The following SLC39A11 variants were observed in gnomAD, a reference collection of about 807,000 sequenced individuals.
SLC39A11 encodes zinc transporter ZIP11.
Under a neutral mutation model 36.1 loss-of-function variants are expected in SLC39A11, and 33 were observed. The observed-to-expected ratio is 0.91, with a 90% CI of 0.69 to 1.22. The LOEUF (loss-of-function observed/expected upper bound fraction) is 1.22. Ranked by LOEUF, SLC39A11 falls within the 50% of genes most tolerant of loss-of-function variation. The probability of loss-of-function intolerance (pLI) is 0.00; values close to 1 mark genes in which losing one functional copy is unlikely to be tolerated. For missense variants in SLC39A11, 432 were observed against 430.3 expected (o/e 1.00, Z -0.03); for synonymous variants, 166 against 170.3 (o/e 0.97, Z 0.20).
chr17:73,091,646 G>T (rs76254397), intron 1 of SLC39A11, among the ~76,000 whole-genome samples: 1 of 152,036 alleles, frequency 6.6e-6, no homozygotes, highest in East Asian at 1.9e-4. Flanking sequence ...TTCTCTAACC[G>T]GCAGACCAGT....
At chr17:73,007,964 G>A (rs1215963012) in intron 4 of SLC39A11, among the ~76,000 whole-genome samples, 1 of 152,066 alleles carries the variant, frequency 6.6e-6, no homozygotes, top group Non-Finnish European at 1.5e-5. Flanking sequence ...TTAGCGGGGT[G>A]TGGTGGCGTG....
At chr17:73,058,402 G>A (rs1183101297) in intron 3 of SLC39A11, among the ~76,000 whole-genome samples, 2 of 152,168 alleles carry the variant, frequency 1.3e-5, no homozygotes, top group African/African-American at 2.4e-5. Context: ...CAGCTGGGGT[G>A]GCCTTCTGAT....
chr17:72,902,325 C>T (rs974471131), intron 5 of SLC39A11, among the ~76,000 whole-genome samples: 2 of 151,548 alleles, frequency 1.3e-5, no homozygotes, highest in Non-Finnish European at 2.9e-5. Flanking sequence ...CACACAGAGG[C>T]CAGGCGACAT....
chr17:72,993,668 T>A (rs1004883501), intron 4 of SLC39A11, among the ~76,000 whole-genome samples: 1 of 152,202 alleles, frequency 6.6e-6, no homozygotes, highest in Non-Finnish European at 1.5e-5. Flanking sequence ...GACTTGCCAG[T>A]CTTCCCCGTT....
intron 5 of SLC39A11, among the ~76,000 whole-genome samples, chr17:72,865,388 G>T (rs979908287): frequency 7.2e-6 from 1 of 139,772 alleles, no homozygotes; most frequent in African/African-American, 2.7e-5. Flanking sequence ...TTTCTATGTG[G>T]TCTCTGAAGA....
chr17:72,748,151 G>A (rs1283165371), intron 6 of SLC39A11, among the ~76,000 whole-genome samples: 9 of 152,088 alleles, frequency 5.9e-5, no homozygotes, highest in African/African-American at 1.7e-4. Context: ...GGAAAACCCC[G>A]TCTCTCCTAA....
chr17:72,681,454 C>T (rs1440417635), intron 7 of SLC39A11, among the ~76,000 whole-genome samples: 8 of 152,156 alleles, frequency 5.3e-5, no homozygotes, highest in Non-Finnish European at 1.2e-4. Flanking sequence ...TGACAATAGT[C>T]CAGGAGAGAG....
At chr17:72,729,422 TATATATATATATATATATA>T (rs1567994360) in intron 7 of SLC39A11, among the ~76,000 whole-genome samples, 120 of 2,600 alleles carry the variant, frequency 0.046, 8 homozygotes, top group Non-Finnish European at 0.069. Flanking sequence ...TATATATATA[TATATATATATATATATATA>T]TATATATATA....
chr17:72,924,025 T>C (rs1055657059), intron 5 of SLC39A11, among the ~76,000 whole-genome samples: 1 of 150,800 alleles, frequency 6.6e-6, no homozygotes, highest in Non-Finnish European at 1.5e-5. Context: ...CGTGTGCCTG[T>C]AATCCCAGGT....
intron 7 of SLC39A11, among the ~76,000 whole-genome samples, chr17:72,679,486 AC>A (rs999316110): frequency 1.3e-5 from 2 of 152,134 alleles, no homozygotes; most frequent in African/African-American, 4.8e-5. Flanking sequence ...AAAGGCACTA[AC>A]CCCCCAGGGA....
chr17:73,018,444 A>C (rs958817978), intron 4 of SLC39A11, among the ~76,000 whole-genome samples: 1 of 152,172 alleles, frequency 6.6e-6, no homozygotes, highest in Non-Finnish European at 1.5e-5. Context: ...GCTACTCAGA[A>C]AGCTGAGGCA....
intron 3 of SLC39A11, among the ~76,000 whole-genome samples, chr17:73,054,574 C>T (rs1482179395): frequency 2.0e-5 from 3 of 151,958 alleles, no homozygotes; most frequent in African/African-American, 7.2e-5. Context: ...GTGGGAGGCC[C>T]AGGCAGGTGG....
intron 4 of SLC39A11, among the ~76,000 whole-genome samples, chr17:72,988,075 G>A (rs1362441831): frequency 1.3e-5 from 2 of 152,186 alleles, no homozygotes; most frequent in African/African-American, 4.8e-5. Flanking sequence ...TGTGAAATAA[G>A]CACATCATGG....
chr17:72,897,697 T>C (rs1319427051), intron 5 of SLC39A11, among the ~76,000 whole-genome samples: 1 of 152,166 alleles, frequency 6.6e-6, no homozygotes, highest in African/African-American at 2.4e-5. Flanking sequence ...GCCTCTTCCT[T>C]TTCTGAAACA....
chr17:72,814,158 C>T (rs2077513577), intron 6 of SLC39A11, among the ~76,000 whole-genome samples: 1 of 152,160 alleles, frequency 6.6e-6, no homozygotes, highest in African/African-American at 2.4e-5. Context: ...ATAGCAGCCA[C>T]CTTTCAAGTA....
intron 5 of SLC39A11, among the ~76,000 whole-genome samples, chr17:72,900,665 C>T (rs72847964): frequency 0.11 from 16,907 of 151,916 alleles, 1,541 homozygotes; most frequent in African/African-American, 0.25. Flanking sequence ...GGGGGGCAGG[C>T]GCGCCCTCCA....
At chr17:72,973,504 G>GCACATTGC (rs2148071896) in intron 4 of SLC39A11, among the ~76,000 whole-genome samples, 1 of 152,296 alleles carries the variant, frequency 6.6e-6, no homozygotes, top group African/African-American at 2.4e-5. Context: ...TTATAGGTAG[G>GCACATTGC]CACATTGCTA....
At chr17:72,837,393 T>C (rs563648566) in intron 6 of SLC39A11, among the ~76,000 whole-genome samples, 7 of 135,796 alleles carry the variant, frequency 5.2e-5, no homozygotes, top group Non-Finnish European at 1.1e-4. Flanking sequence ...GCAGGACTCA[T>C]AGACACCCCA....
intron 5 of SLC39A11, among the ~76,000 whole-genome samples, chr17:72,878,795 A>G (rs76995402): frequency 6.6e-6 from 1 of 152,338 alleles, no homozygotes; most frequent in African/African-American, 2.4e-5. Context: ...AATTCAATCC[A>G]GACACTATCT....
Sources: gnomAD v4.1 joint callset for allele counts (sites outside exome capture counted in the v4.1 genomes callset) on GRCh38, gnomAD v4.1.1 for gene constraint, MANE v1.5 for transcripts, NCBI Gene and HGNC (gene_info 2026-07-23, HGNC 2026-07-21) for gene names.